Variants in TTBK2 observed in about 807,000 individuals in gnomAD.
TTBK2 encodes tau tubulin kinase 2.
In TTBK2, 28 loss-of-function variants were observed where a neutral mutation model predicts 110.8. That is an observed-to-expected ratio of 0.25 (90% CI 0.19 to 0.35). The LOEUF (loss-of-function observed/expected upper bound fraction) is 0.35, where lower values mean the gene tolerates loss of function less well. Ranked by LOEUF, TTBK2 falls within the 10% of genes least tolerant of loss-of-function variation. The pLI is 1.00. For synonymous variants in TTBK2, 532 were observed against 527.3 expected (o/e 1.01, Z -0.12); for missense variants, 1,369 against 1,500.3 (o/e 0.91, Z 1.45).
At chr15:42,827,788 C>A in intron 6 of TTBK2, 140 bp downstream of exon 6, 1 of 721,462 alleles carries the variant, frequency 1.4e-6, no homozygotes, top group Admixed American at 2.9e-5. Context: ...TATTGTCATT[C>A]TATAATTTAA....
intron 3 of TTBK2, among the ~76,000 whole-genome samples, chr15:42,860,233 G>A (rs1894100461): frequency 1.3e-5 from 2 of 151,848 alleles, no homozygotes; most frequent in Admixed American, 1.3e-4. Context: ...CACAAATCCA[G>A]GAAATTCAGA....
At chr15:42,803,284 T>C (rs753061441) in intron 9 of TTBK2, among the ~76,000 whole-genome samples, 4 of 152,188 alleles carry the variant, frequency 2.6e-5, no homozygotes, top group Non-Finnish European at 5.9e-5. Flanking sequence ...GCAATTGTTA[T>C]GCAATGGTAA....
rs760323338 is a variant in TTBK2 at position 42,783,504 on chromosome 15, G to A, written c.1112C>T (p.Ser371Phe). Residue 371 changes from serine to phenylalanine, a missense_variant, in exon 11 of 15, where the codon TCT becomes TTT. This residue lies in a region of TTBK2 where 1,097 missense variants were observed against 1,114.7 expected (regional missense o/e 0.98). Transcript: ENST00000267890. ...VGVSPDKLPG[S>F]LGHPRPQEKD... is the part of the protein sequence containing the mutation. ...CTCCTGGGGACGGGGGTGTCCCAGA[G>A]ATCCAGGCAATTTATCTGGTGACAC... The A allele has an allele frequency of 1.5e-5, 24 of 1,614,020 alleles. No homozygotes were observed. The highest frequency in any genetic ancestry group is 1.7e-5 in the Non-Finnish European group (20 of 1,180,042).
chr15:42,752,311 C>G lies in TTBK2; in HGVS notation c.2935G>C (p.Val979Leu). ...LQKKAYQPDL[V>L]KLLVEKRQFK... Reference sequence around the variant, plus strand: ...TGTCTTTTTTCCACCAGAAGCTTGACTAGGTCTGGCTGATAGGCTTTCTTT... The same window carrying G: ...TGTCTTTTTTCCACCAGAAGCTTGAGTAGGTCTGGCTGATAGGCTTTCTTT... The change falls in exon 14 of 15, where the codon GTC (valine) becomes CTC (leucine). Residue 979 changes from valine (V) to leucine (L), a missense_variant. Physicochemically the swap from Val to Leu is conservative, Grantham distance 32. Transcript: ENST00000267890. 1 of 1,614,200 alleles carries G rather than the reference C, an allele frequency of 6.2e-7. No individual in the cohort carries two copies. The highest frequency in any genetic ancestry group is 1.3e-5 in the African/African-American group (1 of 75,042).
At chr15:42,798,439 A>G (rs142009016) in intron 9 of TTBK2, among the ~76,000 whole-genome samples, 1 of 152,210 alleles carries the variant, frequency 6.6e-6, no homozygotes, top group East Asian at 1.9e-4. Flanking sequence ...AAATTCACCT[A>G]CATTTAGAGT....
chr15:42,865,571 C>G (rs1894341955), intron 3 of TTBK2, among the ~76,000 whole-genome samples: 1 of 151,334 alleles, frequency 6.6e-6, no homozygotes, highest in African/African-American at 2.4e-5. Context: ...CCTTGTAATC[C>G]CAGCACTTTG....
intron 2 of TTBK2, among the ~76,000 whole-genome samples, chr15:42,873,332 G>A (rs1894686869): frequency 6.6e-6 from 1 of 152,114 alleles, no homozygotes; most frequent in Non-Finnish European, 1.5e-5. Flanking sequence ...TACTTAGGAG[G>A]CTGAGGCAGG....
chr15:42,801,376 T>A, intron 9 of TTBK2: 1 of 1,406,100 alleles, frequency 7.1e-7, no homozygotes, highest in Non-Finnish European at 1.0e-6. Flanking sequence ...TTGGCATCCT[T>A]AATGGCTAGC....
rs1281156356 is a variant in TTBK2 at position 42,752,973 on chromosome 15, T to C, written c.2273A>G (p.Glu758Gly). ...AACCAGTCTATTATGATCAGGAAGT[T>C]CTTTTGGTCCCAGGTCTTGAGATTT... ...SNKSQDLGPKELPDHNRLVVR... is the reference protein window; with the variant it reads ...SNKSQDLGPKGLPDHNRLVVR... Residue 758 changes from glutamate to glycine, a missense_variant, in exon 14 of 15, where the codon GAA becomes GGA. Glu to Gly is a moderately conservative substitution (Grantham distance 98). Transcript: ENST00000267890. 3.7e-6 allele frequency: 6 copies of C among 1,614,110 alleles called. No homozygotes were observed. In the African/African-American group the frequency reaches 8.0e-5, roughly 22 times the overall value.
At chr15:42,787,915 C>G (rs1391562877) in intron 10 of TTBK2, among the ~76,000 whole-genome samples, 2 of 152,094 alleles carry the variant, frequency 1.3e-5, no homozygotes, top group Non-Finnish European at 2.9e-5. Context: ...CTTAAAAAAA[C>G]TATATTGTAT....
chr15:42,875,112 C>T (rs1425508703), intron 2 of TTBK2, among the ~76,000 whole-genome samples: 3 of 152,090 alleles, frequency 2.0e-5, no homozygotes, highest in Non-Finnish European at 4.4e-5. Flanking sequence ...GTAGAGGTAG[C>T]TTCACGTTTT....
chr15:42,871,109 A>G lies in TTBK2; in HGVS notation c.217+1502T>C, dbSNP rs180722860. The stretch of plus-strand genomic sequence containing the variant: ...ATGAAGCTGTGAGGAATAAGTATGC[A>G]GAAGGCATAAGTTAGGAAGCCAAGA... On this transcript the variant is annotated intron_variant, in intron 3 of 14. Transcript: ENST00000267890. Among the ~76,000 whole-genome samples, 113 of 152,306 alleles carry G rather than the reference A, an allele frequency of 7.4e-4. 3 individuals carry two copies. In the East Asian group the frequency reaches 0.012, roughly 16 times the overall value.
At chr15:42,782,174 C>A (rs1275833164) in intron 11 of TTBK2, among the ~76,000 whole-genome samples, 1 of 152,106 alleles carries the variant, frequency 6.6e-6, no homozygotes, top group Non-Finnish European at 1.5e-5. Context: ...CAGGTTCAAG[C>A]GATTCTCCTG....
chr15:42,872,064 G>A (rs927199547), intron 3 of TTBK2, among the ~76,000 whole-genome samples: 9 of 152,056 alleles, frequency 5.9e-5, no homozygotes, highest in African/African-American at 1.9e-4. Flanking sequence ...ATTCATTCTT[G>A]TAATAAAAAC....
rs2061754198 is a variant in TTBK2, at chr15:42,741,933, T to TA, written c.*3861dup. On this transcript the variant is annotated 3_prime_UTR_variant, in exon 15 of 15. Coordinates refer to ENST00000267890, the MANE Select transcript of TTBK2 (RefSeq NM_173500.4). ...TTCAAAGCTCTGGGTATAGAAAAAC[T>TA]AATTATGGTTTTAGCTATCTGTGTC... 1 of 152,214 alleles carries TA rather than the reference T, an allele frequency of 6.6e-6. No homozygotes were observed. Among genetic ancestry groups the TA allele is most frequent in the South Asian group, 2.1e-4 (1 of 4,836 alleles). 9.4% of individuals were successfully genotyped at this position (152,214 alleles called of 1,614,324 possible).
intron 9 of TTBK2, among the ~76,000 whole-genome samples, chr15:42,809,077 T>C (rs1891597602): frequency 6.6e-6 from 1 of 152,206 alleles, no homozygotes; most frequent in East Asian, 1.9e-4. Context: ...ACATTGATAC[T>C]AGTCATTAGA....
chr15:42,861,543 A>C (rs568158740), intron 3 of TTBK2, among the ~76,000 whole-genome samples: 296 of 152,316 alleles, frequency 1.9e-3, no homozygotes, highest in Admixed American at 3.1e-3. Flanking sequence ...CATTGAAATT[A>C]ATAAAAATAG....
At chr15:42,911,440 A>G (rs1348840411) in intron 1 of TTBK2, among the ~76,000 whole-genome samples, 1 of 152,228 alleles carries the variant, frequency 6.6e-6, no homozygotes, top group African/African-American at 2.4e-5. Context: ...TGTCTCTAAC[A>G]AAAGAGGTAG....
intron 9 of TTBK2, chr15:42,798,158 A>G: frequency 4.4e-6 from 2 of 454,268 alleles, no homozygotes; most frequent in Non-Finnish European, 4.4e-6. Flanking sequence ...TGCTGGGATT[A>G]TAGGCATGAG....
Sources: gnomAD v4.1 joint callset for allele counts (sites outside exome capture counted in the v4.1 genomes callset) on GRCh38, gnomAD v4.1.1 for gene constraint, gnomAD v4.1.1 regional missense constraint, MANE v1.5 for transcripts, NCBI Gene and HGNC (gene_info 2026-07-23, HGNC 2026-07-21) for gene names.